AVPR1B: variants seen among roughly 807,000 people sequenced by gnomAD.
AVPR1B encodes arginine vasopressin receptor 1B, also known as vasopressin V1b receptor.
In AVPR1B, 25 loss-of-function variants were observed where a neutral mutation model predicts 27.5. The ratio of observed to expected loss-of-function variants is 0.91; its 90% CI spans 0.66 to 1.27. The LOEUF (loss-of-function observed/expected upper bound fraction) is 1.27, where lower values mean the gene tolerates loss of function less well. AVPR1B is among the 50% of genes most tolerant of loss of function. The pLI is 0.00. For missense variants in AVPR1B, 595 were observed against 556.9 expected (o/e 1.07, Z -0.69); for synonymous variants, 248 against 240.2 (o/e 1.03, Z -0.30).
At position 206,110,527 on chromosome 1, in the gene AVPR1B, C is replaced by T. The variant is rs1553289704; in HGVS notation, c.941-4G>A. On this transcript the variant is annotated splice_region_variant and splice_polypyrimidine_tract_variant and intron_variant, in intron 1 of 1. Transcript: ENST00000367126. ...GTGAAAGCCACATTGGTGGAATCTACCAAGAGAGAAGCATGAGAAGCCTCA... is the reference window on the plus strand; with the variant it reads ...GTGAAAGCCACATTGGTGGAATCTATCAAGAGAGAAGCATGAGAAGCCTCA... The T allele has an allele frequency of 1.3e-5, 21 of 1,597,882 alleles. No individual in the cohort carries two copies. The highest frequency in any genetic ancestry group is 1.8e-5 in the Non-Finnish European group (21 of 1,169,378).
Position 206,107,527 on chromosome 1 carries a change from C to T in AVPR1B, c.*2662G>A, listed in dbSNP as rs576494153. The stretch of plus-strand genomic sequence containing the variant: ...CCGAGGCCCTCAGCCAGTGTGCAGT[C>T]GCTCCCCACTGTCCATATCACAGGA... On this transcript the variant is annotated 3_prime_UTR_variant, in exon 2 of 2. Coordinates refer to ENST00000367126, the MANE Select transcript of AVPR1B (RefSeq NM_000707.5). Among the ~76,000 whole-genome samples the T allele has an allele frequency of 6.6e-5, 10 of 152,294 alleles. No individual in the cohort carries two copies. The South Asian group carries it at 1.5e-3, about 22-fold the overall frequency.
In AVPR1B at chr1:206,116,128, A is replaced by T; in HGVS notation, c.763T>A (p.Leu255Ile). Residue 255 changes from leucine to isoleucine, a missense_variant, in exon 1 of 2, where the codon TTA becomes ATA. Physicochemically the swap from Leu to Ile is conservative, Grantham distance 5. Coordinates refer to ENST00000367126, the MANE Select transcript of AVPR1B (RefSeq NM_000707.5). ...RTWDRPSPSTLAATTRGLPSR... is the reference protein window; with the variant it reads ...RTWDRPSPSTIAATTRGLPSR... ...GGCAGCCCCCGAGTGGTGGCAGCTA[A>T]GGTGGAAGGTGAGGGCCTGTCCCAA... 1 of 1,614,134 alleles carries T rather than the reference A, an allele frequency of 6.2e-7. No individual in the cohort carries two copies. Among genetic ancestry groups the T allele is most frequent in the South Asian group, 1.1e-5 (1 of 91,062 alleles).
At chr1:206,111,972 T>C (rs1663389384) in intron 1 of AVPR1B, among the ~76,000 whole-genome samples, 1 of 152,140 alleles carries the variant, frequency 6.6e-6, no homozygotes, top group Non-Finnish European at 1.5e-5. Context: ...GGCAGATGGA[T>C]CACCTGAGGT....
rs145176259 is a variant in AVPR1B at position 206,112,198 on chromosome 1, G to GA, written c.941-1676dup. ...TGACAAGAGCAAGACTCCATCTCAAGAAAAAAAAAAGAGAGACAGGGAGAA... is the reference window on the plus strand; with the variant it reads ...TGACAAGAGCAAGACTCCATCTCAAGAAAAAAAAAAAGAGAGACAGGGAGAA... On this transcript the variant is annotated intron_variant, in intron 1 of 1. Coordinates refer to ENST00000367126, the MANE Select transcript of AVPR1B (RefSeq NM_000707.5). Among the ~76,000 whole-genome samples, 36 of 148,014 alleles carry GA rather than the reference G, an allele frequency of 2.4e-4. No individual in the cohort carries two copies. The East Asian group carries it at 3.5e-3, about 15-fold the overall frequency.
In AVPR1B at chr1:206,116,473, G is replaced by A; in HGVS notation, c.418C>T (p.Leu140=). ...LDRYLAVCHP[L]RSLQQPGQST... ...TGGCCTGGCTGCTGGAGGCTGCGCAGGGGGTGACAGACAGCCAGGTAGCGG... is the reference window on the plus strand; with the variant it reads ...TGGCCTGGCTGCTGGAGGCTGCGCAAGGGGTGACAGACAGCCAGGTAGCGG... The change falls in exon 1 of 2, where the codon CTG becomes TTG. Residue 140 remains leucine (L), a synonymous_variant. Coordinates refer to ENST00000367126, the MANE Select transcript of AVPR1B (RefSeq NM_000707.5). The A allele has an allele frequency of 6.8e-6, 11 of 1,613,966 alleles. No individual in the cohort carries two copies. The highest frequency in any genetic ancestry group is 2.7e-5 in the African/African-American group (2 of 75,062).
chr1:206,108,066 A>G lies in AVPR1B; in HGVS notation c.*2123T>C, dbSNP rs1553289235. Among the ~76,000 whole-genome samples the G allele has an allele frequency of 1.3e-5, 2 of 152,154 alleles. No individual in the cohort carries two copies. Among genetic ancestry groups the G allele is most frequent in the African/African-American group, 4.8e-5 (2 of 41,422 alleles). ...TTCTACCTCCCAGTCATCATGAAGA[A>G]CAAAGATTTACCAACTCTAGGCATT... On this transcript the variant is annotated 3_prime_UTR_variant, in exon 2 of 2. Coordinates refer to ENST00000367126, the MANE Select transcript of AVPR1B (RefSeq NM_000707.5).
rs1464424864 is a variant in AVPR1B, at chr1:206,107,119, GA to G, written c.*3069del. On this transcript the variant is annotated 3_prime_UTR_variant, in exon 2 of 2. Transcript: ENST00000367126. ...GTGCCAAACAACATAACGATTCTGA[GA>G]AATCCCCGTAGTCAACCGATGAACC... is the stretch of plus-strand genomic sequence containing the variant. 5.3e-5 allele frequency among the ~76,000 whole-genome samples: 8 copies of G among 152,174 alleles called. No homozygotes were observed. Among genetic ancestry groups the G allele is most frequent in the Non-Finnish European group, 1.2e-4 (8 of 68,040 alleles).
rs1339135042 is a variant in AVPR1B, at chr1:206,115,941, C to A, written c.940+10G>T. On this transcript the variant is annotated intron_variant, in intron 1 of 1. Transcript: ENST00000367126. ...TCCCACCTCACTGCCCCCACATAGA[C>A]CCCACTTGCCTTCATCAGGGGCATT... The A allele has an allele frequency of 2.5e-6, 4 of 1,584,486 alleles. No individual in the cohort carries two copies. The highest frequency in any genetic ancestry group is 2.3e-5 in the South Asian group (2 of 86,346).
chr1:206,113,546 T>G (rs1412177169), intron 1 of AVPR1B, among the ~76,000 whole-genome samples: 5 of 152,200 alleles, frequency 3.3e-5, no homozygotes, highest in African/African-American at 4.8e-5. Flanking sequence ...TGAATCACTC[T>G]ACACAAGTGA....
intron 1 of AVPR1B, among the ~76,000 whole-genome samples, chr1:206,113,614 A>G: frequency 6.6e-6 from 1 of 152,320 alleles, no homozygotes; most frequent in Non-Finnish European, 1.5e-5. Flanking sequence ...GGCAAGTAGG[A>G]AAGTCTGCAC....
At chr1:206,110,961 A>C (rs570540799) in intron 1 of AVPR1B, among the ~76,000 whole-genome samples, 2 of 152,280 alleles carry the variant, frequency 1.3e-5, no homozygotes, top group African/African-American at 4.8e-5. Flanking sequence ...GCCCATCTCC[A>C]TCCCCACTTA....
At position 206,115,937 on chromosome 1, in the gene AVPR1B, T is replaced by C. The variant is rs1213239452; in HGVS notation, c.940+14A>G. The stretch of plus-strand genomic sequence containing the variant: ...TCTCTCCCACCTCACTGCCCCCACA[T>C]AGACCCCACTTGCCTTCATCAGGGG... On this transcript the variant is annotated intron_variant, in intron 1 of 1. Transcript: ENST00000367126. The C allele has an allele frequency of 1.3e-6, 2 of 1,580,378 alleles. No homozygotes were observed. Among genetic ancestry groups the C allele is most frequent in the African/African-American group, 1.3e-5 (1 of 74,496 alleles).
rs76259031 is a variant in AVPR1B, at chr1:206,109,839, C to G, written c.*350G>C. 2.4e-3 allele frequency: 543 copies of G among 222,830 alleles called. 1 individual carries two copies. The highest frequency in any genetic ancestry group is 3.4e-3 in the Non-Finnish European group (385 of 114,510). 13.8% of individuals were successfully genotyped at this position (222,830 alleles called of 1,614,324 possible). A position where few individuals can be genotyped will look rare whatever the true frequency, so the allele number is the denominator to read the frequency against. ...CAGGTAGCCAGGGCACAAGGCCAGC[C>G]TCTGAATTCCTGCCACCCGTGGACC... On this transcript the variant is annotated 3_prime_UTR_variant, in exon 2 of 2. Transcript: ENST00000367126.
Position 206,110,509 on chromosome 1 carries a change from C to A in AVPR1B, c.955G>T (p.Ala319Ser). The A allele has an allele frequency of 6.2e-7, 1 of 1,608,584 alleles. No individual in the cohort carries two copies. Among genetic ancestry groups the A allele is most frequent in the Non-Finnish European group, 8.5e-7 (1 of 1,176,222 alleles). The change falls in exon 2 of 2, where the codon GCT (alanine) becomes TCT (serine). Residue 319 changes from alanine to serine, a missense_variant. Transcript: ENST00000367126. Reference sequence around the variant, plus strand: ...CCCAAAAGCATAGAGATGGTGAAAGCCACATTGGTGGAATCTACCAAGAGA... The same window carrying A: ...CCCAAAAGCATAGAGATGGTGAAAGACACATTGGTGGAATCTACCAAGAGA... ...NAPDEDSTNV[A>S]FTISMLLGNL... is the part of the protein sequence containing the mutation.
At position 206,117,031 on chromosome 1, in the gene AVPR1B, C is replaced by T. The variant is rs1401347318; in HGVS notation, c.-141G>A. 2 of 820,102 alleles carry T rather than the reference C, an allele frequency of 2.4e-6. No individual in the cohort carries two copies. Among genetic ancestry groups the T allele is most frequent in the Non-Finnish European group, 4.0e-6 (2 of 501,286 alleles). 50.8% of individuals were successfully genotyped at this position (820,102 alleles called of 1,614,324 possible). ...GACAGGGAGAAGGCTTGCAAATAGGCGGAAATCGTTCAGAGGACTGGGATA... is the reference window on the plus strand; with the variant it reads ...GACAGGGAGAAGGCTTGCAAATAGGTGGAAATCGTTCAGAGGACTGGGATA... On this transcript the variant is annotated 5_prime_UTR_variant, in exon 1 of 2. Coordinates refer to ENST00000367126, the MANE Select transcript of AVPR1B (RefSeq NM_000707.5).
In AVPR1B at chr1:206,116,995, GC is replaced by G. The variant is rs1553290667; in HGVS notation, c.-106del. The G allele has an allele frequency of 9.1e-7, 1 of 1,093,996 alleles. No homozygotes were observed. The highest frequency in any genetic ancestry group is 2.4e-5 in the East Asian group (1 of 42,024). 67.8% of individuals were successfully genotyped at this position (1,093,996 alleles called of 1,614,324 possible). A position where few individuals can be genotyped will look rare whatever the true frequency, so the allele number is the denominator to read the frequency against. On this transcript the variant is annotated 5_prime_UTR_variant, in exon 1 of 2. Transcript: ENST00000367126. ...CAGGGGAGGTGGAGAGAAAGGAGAA[GC>G]GTTGAGAATGACAGGGAGAAGGCTT... is the stretch of plus-strand genomic sequence containing the variant.
At chr1:206,112,840 C>A (rs542894255) in intron 1 of AVPR1B, among the ~76,000 whole-genome samples, 1 of 152,322 alleles carries the variant, frequency 6.6e-6, no homozygotes, top group South Asian at 2.1e-4. Context: ...AAGTAAACCT[C>A]TTTTCTTTAT....
chr1:206,110,227 C>T lies in AVPR1B; in HGVS notation c.1237G>A (p.Ala413Thr), dbSNP rs1246128440. The T allele has an allele frequency of 6.2e-7, 1 of 1,612,996 alleles. No homozygotes were observed. The highest frequency in any genetic ancestry group is 8.5e-7 in the Non-Finnish European group (1 of 1,179,132). Residue 413 changes from alanine (A) to threonine (T), a missense_variant, in exon 2 of 2, where the codon GCA becomes ACA. Transcript: ENST00000367126. Reference protein sequence around the residue: ...PEESPRDLELADGEGTAETII... With the variant: ...PEESPRDLELTDGEGTAETII... ...GTCTCAGCGGTGCCTTCCCCATCTG[C>T]CAGCTCCAAGTCCCTTGGTGACTCT...
Position 206,108,795 on chromosome 1 carries a change from T to C in AVPR1B, c.*1394A>G, listed in dbSNP as rs1663321725. On this transcript the variant is annotated 3_prime_UTR_variant, in exon 2 of 2. Transcript: ENST00000367126. ...TTGGGTTGGGGAAGCTATGCCATGA[T>C]AAAAGTCCCCTGGAGATAATGAGCA... Among the ~76,000 whole-genome samples, 1 of 152,122 alleles carries C rather than the reference T, an allele frequency of 6.6e-6. No homozygotes were observed. Among genetic ancestry groups the C allele is most frequent in the South Asian group, 2.1e-4 (1 of 4,826 alleles).
Sources: allele counts gnomAD v4.1 joint callset (sites outside exome capture counted in the v4.1 genomes callset), GRCh38; gene constraint gnomAD v4.1.1; transcripts MANE v1.5; gene names NCBI Gene and HGNC (gene_info 2026-07-23, HGNC 2026-07-21).